Variants in CCDC125 observed in about 807,000 individuals in gnomAD.
CCDC125 encodes the protein coiled-coil domain-containing protein 125.
A neutral mutation model predicts 57.4 loss-of-function variants in CCDC125; 43 were observed. That is an observed-to-expected ratio of 0.75 (90% CI 0.59 to 0.97). The LOEUF (loss-of-function observed/expected upper bound fraction) is 0.97. Among genes scored for constraint, CCDC125 ranks in the 50% least tolerant of loss-of-function variants. CCDC125 has a pLI of 0.00. For missense variants in CCDC125, 563 were observed against 595.7 expected (o/e 0.95, Z 0.57); for synonymous variants, 187 against 195.2 (o/e 0.96, Z 0.35).
In CCDC125 at chr5:69,320,279, G is replaced by C; in HGVS notation, c.262C>G (p.Gln88Glu). 6.2e-7 allele frequency: 1 copy of C among 1,614,108 alleles called. No individual in the cohort carries two copies. The highest frequency in any genetic ancestry group is 1.1e-5 in the South Asian group (1 of 91,078). Residue 88 changes from glutamine (Q) to glutamate (E), a missense_variant, in exon 2 of 12, where the codon CAA becomes GAA. Transcript: ENST00000396496. ...CTGTAATTGGAAATTCTGGACACTT[G>C]AGGGAATGTATCTTGCTGGCTCTTA... Reference protein sequence around the residue: ...KHKSQQDTFPQVSRISNYRRQ... With the variant: ...KHKSQQDTFPEVSRISNYRRQ...
intron 5 of CCDC125, 36 bp from the exon 6 acceptor site, chr5:69,306,938 C>A: frequency 1.4e-6 from 2 of 1,457,728 alleles, no homozygotes; most frequent in South Asian, 1.6e-5. Flanking sequence ...TGGCAAATTA[C>A]TACAAATAAA....
At position 69,294,885 on chromosome 5, in the gene CCDC125, C is replaced by A; in HGVS notation, c.832G>T (p.Ala278Ser). 1 of 1,613,482 alleles carries A rather than the reference C, an allele frequency of 6.2e-7. No homozygotes were observed. Among genetic ancestry groups the A allele is most frequent in the Non-Finnish European group, 8.5e-7 (1 of 1,179,864 alleles). Residue 278 changes from alanine (A) to serine (S), a missense_variant, in exon 9 of 12, where the codon GCC (alanine) becomes TCC (serine). Coordinates refer to ENST00000396496, the MANE Select transcript of CCDC125 (RefSeq NM_176816.5). ...ASGLELAVLG[A>S]CLCHGPGGNP... Reference sequence around the variant, plus strand: ...CCTCCGGGCCCATGACAAAGGCAGGCTCCGAGGACCGCAAGCTTTAAATTG... The same window carrying A: ...CCTCCGGGCCCATGACAAAGGCAGGATCCGAGGACCGCAAGCTTTAAATTG...
chr5:69,284,458 A>T (rs984887905), intron 11 of CCDC125, among the ~76,000 whole-genome samples: 2 of 152,144 alleles, frequency 1.3e-5, no homozygotes, highest in Non-Finnish European at 2.9e-5. Flanking sequence ...TGCCTCAATA[A>T]ACAGGCAGAC....
At chr5:69,275,444 T>C (rs1454658504), downstream of CCDC125, among the ~76,000 whole-genome samples, 2 of 152,204 alleles carry the variant, frequency 1.3e-5, no homozygotes, top group Admixed American at 1.3e-4. Context: ...CATTTTGAAC[T>C]GTAGAGTTCA....
At chr5:69,316,099 C>T (rs1262138926) in intron 2 of CCDC125, among the ~76,000 whole-genome samples, 5 of 152,130 alleles carry the variant, frequency 3.3e-5, no homozygotes. Context: ...AAGGCAAAAC[C>T]TAAATCATGT....
intron 8 of CCDC125, among the ~76,000 whole-genome samples, chr5:69,298,583 C>A (rs896226739): frequency 2.6e-5 from 4 of 152,108 alleles, no homozygotes; most frequent in African/African-American, 7.2e-5. Context: ...GCAACTAAGA[C>A]CTGGGAAGGG....
intron 10 of CCDC125, among the ~76,000 whole-genome samples, chr5:69,286,220 AT>A (rs1266564600): frequency 5.0e-4 from 61 of 121,534 alleles, no homozygotes; most frequent in East Asian, 1.5e-3. Context: ...ATATATATAT[AT>A]ATATATATAT....
chr5:69,273,173 C>T, the CCDC125 span: 1 of 639,278 alleles, frequency 1.6e-6, no homozygotes, highest in East Asian at 2.9e-5. Context: ...TAAGAAATAA[C>T]AAACTTTGTA....
chr5:69,301,204 G>A (rs1756385209), intron 7 of CCDC125, among the ~76,000 whole-genome samples: 1 of 151,818 alleles, frequency 6.6e-6, no homozygotes, highest in South Asian at 2.1e-4. Context: ...CAGACTCCTG[G>A]CCTCAAGCAA....
At chr5:69,332,444 G>C (rs1321602992) in intron 1 of CCDC125, among the ~76,000 whole-genome samples, 1 of 152,088 alleles carries the variant, frequency 6.6e-6, no homozygotes, top group East Asian at 1.9e-4. Context: ...AAAATTAACA[G>C]AAGAGAAAAA....
intron 11 of CCDC125, among the ~76,000 whole-genome samples, chr5:69,284,823 G>C (rs1753046223): frequency 6.6e-6 from 1 of 152,174 alleles, no homozygotes; most frequent in Non-Finnish European, 1.5e-5. Context: ...TGGGCATGGT[G>C]GGTCACGCCT....
intron 5 of CCDC125, chr5:69,307,661 G>C: frequency 3.4e-6 from 1 of 298,424 alleles, no homozygotes; most frequent in Non-Finnish European, 6.2e-6. Flanking sequence ...CAGCCTGGGC[G>C]ACAGAGCAGG....
In CCDC125 at chr5:69,282,796, G is replaced by A. The variant is rs759618555; in HGVS notation, c.1469C>T (p.Ser490Phe). 1.2e-6 allele frequency: 2 copies of A among 1,613,818 alleles called. No homozygotes were observed. Among genetic ancestry groups the A allele is most frequent in the East Asian group, 2.2e-5 (1 of 44,864 alleles). The change falls in exon 12 of 12, where the codon TCT becomes TTT. Residue 490 changes from serine (S) to phenylalanine (F), a missense_variant. Physicochemically the swap from Ser to Phe is radical, Grantham distance 155 (BLOSUM62 -2). Transcript: ENST00000396496. Reference sequence around the variant, plus strand: ...AGTTCTATAGTTTGGATCTATTTGAGAGTGCTGGATTGAACAAATGCAGCC... The same window carrying A: ...AGTTCTATAGTTTGGATCTATTTGAAAGTGCTGGATTGAACAAATGCAGCC... ...SVGCICSIQH[S>F]QIDPNYRTLK...
intron 8 of CCDC125, among the ~76,000 whole-genome samples, chr5:69,298,785 T>C (rs1755843312): frequency 6.6e-6 from 1 of 152,152 alleles, no homozygotes; most frequent in African/African-American, 2.4e-5. Context: ...TTTCTTGCAT[T>C]TTTCCTTTTT....
chr5:69,308,201 G>T (rs373344308), intron 4 of CCDC125, 173 bp from the exon 5 acceptor site: 1 of 602,524 alleles, frequency 1.7e-6, no homozygotes. Context: ...AGGAGATCTT[G>T]GTTTGGCTCT....
At chr5:69,288,560 C>T (rs537938607) in intron 10 of CCDC125, among the ~76,000 whole-genome samples, 2 of 152,324 alleles carry the variant, frequency 1.3e-5, no homozygotes, top group South Asian at 4.1e-4. Flanking sequence ...ATCTCTTTAT[C>T]TGGCTGTTCA....
chr5:69,292,012 G>A (rs1754535577), intron 10 of CCDC125, among the ~76,000 whole-genome samples, 176 bp downstream of exon 10: 1 of 152,222 alleles, frequency 6.6e-6, no homozygotes, highest in South Asian at 2.1e-4. Context: ...ACCTGCACAT[G>A]TAATATCCAA....
chr5:69,303,711 T>C, intron 7 of CCDC125, 136 bp downstream of exon 7: 1 of 589,872 alleles, frequency 1.7e-6, no homozygotes, highest in Non-Finnish European at 2.9e-6. Context: ...GAATTTCACC[T>C]TGATAAATTT....
chr5:69,307,590 G>A (rs1757522568), intron 5 of CCDC125: 3 of 174,818 alleles, frequency 1.7e-5, no homozygotes, highest in South Asian at 1.4e-4. Context: ...CCTGAGGCAG[G>A]AGAATGGCGT....
Sources: gnomAD v4.1 joint callset for allele counts (sites outside exome capture counted in the v4.1 genomes callset) on GRCh38, gnomAD v4.1.1 for gene constraint, MANE v1.5 for transcripts, NCBI Gene and HGNC (gene_info 2026-07-23, HGNC 2026-07-21) for gene names.